The following TAB3 variants were observed in gnomAD, a reference collection of about 807,000 sequenced individuals.
TAB3 encodes the protein TGF-beta-activated kinase 1 and MAP3K7-binding protein 3.
Under a neutral mutation model 48.1 loss-of-function variants are expected in TAB3, and 18 were observed. The observed-to-expected ratio is 0.37, with a 90% CI of 0.26 to 0.55. TAB3 has a LOEUF of 0.55. Among genes scored for constraint, TAB3 ranks in the 20% least tolerant of loss-of-function variants. TAB3 has a pLI of 0.78. For missense variants in TAB3, 414 were observed against 549.8 expected (o/e 0.75, Z 2.47); for synonymous variants, 185 against 190.2 (o/e 0.97, Z 0.22).
chrX:30,844,468 T>C (rs1938559191), intron 8 of TAB3: 2 of 112,534 alleles, frequency 1.8e-5, no homozygotes, highest in African/African-American at 6.5e-5. Flanking sequence ...AGAAGCTGCA[T>C]ATGTATTTCT....
At chrX:30,866,212 AAACTT>A (rs1162058112) in intron 4 of TAB3, among the ~76,000 whole-genome samples, 1 of 111,943 alleles carries the variant, frequency 8.9e-6, no homozygotes, top group Non-Finnish European at 1.9e-5. Context: ...TATTTAATTT[AAACTT>A]AACACCCCCC....
intron 6 of TAB3, among the ~76,000 whole-genome samples, chrX:30,853,423 T>C (rs754175528): frequency 8.0e-5 from 9 of 112,567 alleles, no homozygotes; most frequent in Non-Finnish European, 1.3e-4. Flanking sequence ...TTATATATTA[T>C]TTATATGTAA....
At chrX:30,883,559 C>T (rs1940053295) in intron 1 of TAB3, among the ~76,000 whole-genome samples, 1 of 111,523 alleles carries the variant, frequency 9.0e-6, no homozygotes, top group Non-Finnish European at 1.9e-5. Context: ...AAAGCTACTG[C>T]CTTCTAGAGA....
At chrX:30,867,266 A>T (rs1194693007) in intron 3 of TAB3, 48 bp from the exon 4 acceptor site, 1 of 112,008 alleles carries the variant, frequency 8.9e-6, no homozygotes, top group Admixed American at 9.5e-5. Flanking sequence ...GGAAATCTGA[A>T]TATAGACTTC....
chrX:30,872,522 A>G (rs917903846), intron 1 of TAB3, among the ~76,000 whole-genome samples: 10 of 112,164 alleles, frequency 8.9e-5, no homozygotes, highest in African/African-American at 2.9e-4. Flanking sequence ...GAATCACTTT[A>G]TCATAAGCCT....
intron 9 of TAB3, among the ~76,000 whole-genome samples, chrX:30,841,685 C>T (rs1384736249): frequency 9.0e-6 from 1 of 111,332 alleles, no homozygotes; most frequent in African/African-American, 3.3e-5. Flanking sequence ...TAATTTTTTT[C>T]AAAAATAAGG....
At chrX:30,851,131 G>C (rs897043970) in intron 7 of TAB3, among the ~76,000 whole-genome samples, 1 of 112,045 alleles carries the variant, frequency 8.9e-6, no homozygotes, top group Non-Finnish European at 1.9e-5. Context: ...AGATAACTTT[G>C]TTATTTTCCA....
chrX:30,864,034 A>G (rs1384654545), intron 4 of TAB3, among the ~76,000 whole-genome samples: 1 of 111,792 alleles, frequency 8.9e-6, no homozygotes, highest in Non-Finnish European at 1.9e-5. Flanking sequence ...ATAATGGGCT[A>G]TTTTTTATAC....
chrX:30,852,531 G>A (rs1328005073), intron 7 of TAB3, among the ~76,000 whole-genome samples: 1 of 111,567 alleles, frequency 9.0e-6, no homozygotes, highest in Non-Finnish European at 1.9e-5. Flanking sequence ...TAAATGAGAT[G>A]CTATACCTTG....
chrX:30,861,068 G>A lies in TAB3; in HGVS notation c.-90-1390C>T, dbSNP rs5926966. ...GTTAATAGGTAAATTTAGGTAAAGG[G>A]TATGCGGTGTTCTTTCTCCTATTTT... On this transcript the variant is annotated intron_variant, in intron 4 of 10. Transcript: ENST00000288422. Among the ~76,000 whole-genome samples the A allele has an allele frequency of 5.6e-4, 62 of 110,029 alleles. No individual in the cohort carries two copies. In the Admixed American group the frequency reaches 6.0e-3, roughly 11 times the overall value.
intron 10 of TAB3, among the ~76,000 whole-genome samples, chrX:30,833,824 C>A (rs1259154577): frequency 1.3e-5 from 1 of 76,326 alleles, no homozygotes; most frequent in East Asian, 3.8e-4. Context: ...GAGCGAGACT[C>A]CGTCTCAAAA....
intron 9 of TAB3, chrX:30,835,192 C>T (rs780390250): frequency 3.3e-5 from 4 of 122,803 alleles, no homozygotes; most frequent in Non-Finnish European, 7.5e-5. Flanking sequence ...ATTATTTGCC[C>T]TTAGGAACCA....
At chrX:30,853,567 T>C (rs891168068) in intron 6 of TAB3, among the ~76,000 whole-genome samples, 1 of 112,950 alleles carries the variant, frequency 8.9e-6, no homozygotes. Context: ...TCCATGTCAC[T>C]TGTATTTTTC....
intron 5 of TAB3, 51 bp downstream of exon 5, chrX:30,859,436 C>CT: frequency 9.9e-7 from 1 of 1,010,925 alleles, no homozygotes; most frequent in Non-Finnish European, 1.4e-6. Context: ...ATCACCAGCT[C>CT]TAATAGGAAA....
intron 7 of TAB3, among the ~76,000 whole-genome samples, chrX:30,848,820 T>C (rs1313884805): frequency 9.0e-6 from 1 of 110,958 alleles, no homozygotes; most frequent in Non-Finnish European, 1.9e-5. Context: ...AAAGCTGGCA[T>C]AGACCAGCGT....
intron 4 of TAB3, among the ~76,000 whole-genome samples, chrX:30,860,151 C>T (rs1410519790): frequency 9.0e-6 from 1 of 111,525 alleles, no homozygotes; most frequent in Non-Finnish European, 1.9e-5. Flanking sequence ...GTGTCCGTAT[C>T]AATGAAGATA....
chrX:30,846,745 C>G (rs1156480038), intron 7 of TAB3, 101 bp from the exon 8 acceptor site: 2 of 500,296 alleles, frequency 4.0e-6, no homozygotes, highest in Non-Finnish European at 3.4e-6. Context: ...TGGGTATTAC[C>G]AAGAATACGG....
chrX:30,852,367 T>A (rs1226639964), intron 7 of TAB3, among the ~76,000 whole-genome samples: 1 of 112,263 alleles, frequency 8.9e-6, no homozygotes, highest in African/African-American at 3.2e-5. Flanking sequence ...CTAACTCATC[T>A]GAATTAATGT....
At chrX:30,841,297 C>A (rs1160791430) in intron 9 of TAB3, among the ~76,000 whole-genome samples, 2 of 110,647 alleles carry the variant, frequency 1.8e-5, no homozygotes, top group Non-Finnish European at 1.9e-5. Flanking sequence ...GGTGGGTAAT[C>A]CCAGCTACTT....
Sources: gnomAD v4.1 joint callset for allele counts (sites outside exome capture counted in the v4.1 genomes callset) on GRCh38, gnomAD v4.1.1 for gene constraint, MANE v1.5 for transcripts, NCBI Gene and HGNC (gene_info 2026-07-23, HGNC 2026-07-21) for gene names.